The following IL1RAP variants were observed in gnomAD, a reference collection of about 807,000 sequenced individuals.
The protein encoded by IL1RAP is interleukin-1 receptor accessory protein.
IL1RAP carries 35 observed loss-of-function variants against 60.7 expected under a neutral mutation model. That is an observed-to-expected ratio of 0.58 (90% CI 0.44 to 0.76). The LOEUF (loss-of-function observed/expected upper bound fraction) is 0.76, where lower values mean the gene tolerates loss of function less well. Ranked by LOEUF, IL1RAP falls within the 30% of genes least tolerant of loss-of-function variation. The pLI is 0.00. For missense variants in IL1RAP, 572 were observed against 693.9 expected (o/e 0.82, Z 1.97); for synonymous variants, 268 against 250.9 (o/e 1.07, Z -0.64).
rs571755247 is a variant in IL1RAP, at chr3:190,627,401, A to G, written c.854A>G (p.Asp285Gly). ...DSRNEVWWTI[D>G]GKKPDDITID... is the part of the protein sequence containing the mutation. ...CGCAATGAGGTTTGGTGGACCATTG[A>G]TGGAAAAAAACCTGATGACATCACT... is the stretch of plus-strand genomic sequence containing the variant. The change falls in exon 8 of 12, where the codon GAT becomes GGT. Residue 285 changes from aspartate (D) to glycine (G), a missense_variant. Asp to Gly is a moderately conservative substitution (Grantham distance 94). Coordinates refer to ENST00000447382, the MANE Select transcript of IL1RAP (RefSeq NM_002182.4). 1.9e-6 allele frequency: 3 copies of G among 1,613,248 alleles called. No individual in the cohort carries two copies. Among genetic ancestry groups the G allele is most frequent in the African/African-American group, 1.3e-5 (1 of 74,764 alleles).
chr3:190,622,021 C>A (rs887640747), intron 6 of IL1RAP, among the ~76,000 whole-genome samples: 1 of 148,356 alleles, frequency 6.7e-6, no homozygotes, highest in Non-Finnish European at 1.5e-5. Flanking sequence ...GACTAATGTG[C>A]CGGCCTTAAC....
intron 1 of IL1RAP, among the ~76,000 whole-genome samples, chr3:190,554,060 C>CAAA (rs1166716731): frequency 1.1e-5 from 1 of 87,910 alleles, no homozygotes; most frequent in African/African-American, 5.1e-5. Context: ...GACTCCGTCT[C>CAAA]AAAAAAAAAA....
intron 3 of IL1RAP, among the ~76,000 whole-genome samples, chr3:190,577,741 AGGTT>A (rs969824629): frequency 1.3e-5 from 2 of 152,072 alleles, no homozygotes; most frequent in Non-Finnish European, 2.9e-5. Context: ...TATGTTGCCC[AGGTT>A]GGTCTTGAAT....
chr3:190,557,707 A>T (rs1413907345), intron 2 of IL1RAP, among the ~76,000 whole-genome samples: 1 of 152,052 alleles, frequency 6.6e-6, no homozygotes, highest in African/African-American at 2.4e-5. Context: ...TTAGGTTAAA[A>T]CACCTTTCTT....
At chr3:190,564,733 G>A (rs1245743399) in intron 3 of IL1RAP, 2 of 215,702 alleles carry the variant, frequency 9.3e-6, no homozygotes, top group South Asian at 7.9e-5. Flanking sequence ...GTTATCAGTG[G>A]TAATAATCCA....
chr3:190,566,516 G>T (rs1726414401), intron 3 of IL1RAP, among the ~76,000 whole-genome samples: 1 of 152,086 alleles, frequency 6.6e-6, no homozygotes, highest in African/African-American at 2.4e-5. Context: ...AAGTGCTGTT[G>T]GTAAGAGAGC....
intron 2 of IL1RAP, among the ~76,000 whole-genome samples, chr3:190,562,932 G>A (rs77101610): frequency 0.1 from 15,168 of 152,166 alleles, 875 homozygotes; most frequent in South Asian, 0.17. Flanking sequence ...ACAACAGCTT[G>A]TGATATGACG....
intron 3 of IL1RAP, among the ~76,000 whole-genome samples, chr3:190,595,648 A>T (rs368643116): frequency 2.8e-4 from 43 of 152,298 alleles, no homozygotes; most frequent in African/African-American, 1.0e-3. Flanking sequence ...GCACACGCAG[A>T]TGGGACAGTT....
intron 7 of IL1RAP, among the ~76,000 whole-genome samples, chr3:190,626,108 A>G (rs1351104552): frequency 2.0e-5 from 3 of 152,226 alleles, no homozygotes; most frequent in Non-Finnish European, 4.4e-5. Flanking sequence ...TAACCAGGAA[A>G]GCAGGCATAA....
intron 1 of IL1RAP, among the ~76,000 whole-genome samples, chr3:190,551,192 A>T (rs1471597056): frequency 6.6e-6 from 1 of 152,208 alleles, no homozygotes; most frequent in Non-Finnish European, 1.5e-5. Context: ...GACTGTGTAG[A>T]CAAGAGTATG....
chr3:190,655,558 CGTGTGT>C (rs34341875), downstream of IL1RAP, among the ~76,000 whole-genome samples: 2,875 of 131,114 alleles, frequency 0.022, 91 homozygotes, highest in African/African-American at 0.069. Context: ...AATTGCCCAC[CGTGTGT>C]GTGTGTGTGT....
At chr3:190,558,133 CTGAG>C (rs1210574077) in intron 2 of IL1RAP, among the ~76,000 whole-genome samples, 2 of 152,124 alleles carry the variant, frequency 1.3e-5, no homozygotes, top group African/African-American at 4.8e-5. Context: ...CTTAGTATTG[CTGAG>C]TATTATTCTA....
At chr3:190,551,730 A>G (rs1211401836) in intron 1 of IL1RAP, among the ~76,000 whole-genome samples, 1 of 152,216 alleles carries the variant, frequency 6.6e-6, no homozygotes, top group Non-Finnish European at 1.5e-5. Flanking sequence ...AAAGTTCTAT[A>G]GCTCATTATA....
At chr3:190,554,048 G>A (rs1263977649) in intron 1 of IL1RAP, among the ~76,000 whole-genome samples, 3 of 119,956 alleles carry the variant, frequency 2.5e-5, no homozygotes, top group Admixed American at 9.0e-5. Context: ...GCGACAGAGC[G>A]AGACTCCGTC....
At chr3:190,566,367 G>A (rs1382894100) in intron 3 of IL1RAP, among the ~76,000 whole-genome samples, 1 of 152,140 alleles carries the variant, frequency 6.6e-6, no homozygotes, top group East Asian at 1.9e-4. Flanking sequence ...AGGGACAGGT[G>A]ACTGTGTTAC....
At chr3:190,557,669 A>C (rs892925690) in intron 2 of IL1RAP, among the ~76,000 whole-genome samples, 5 of 152,186 alleles carry the variant, frequency 3.3e-5, no homozygotes, top group African/African-American at 9.7e-5. Context: ...GTTATTTTCA[A>C]AGTAAATGTT....
intron 3 of IL1RAP, among the ~76,000 whole-genome samples, chr3:190,571,318 C>G (rs1418334099): frequency 6.6e-6 from 1 of 151,586 alleles, no homozygotes; most frequent in Non-Finnish European, 1.5e-5. Context: ...TTGAGACCAG[C>G]CTGCACAAAA....
chr3:190,626,791 C>A (rs1389355241), intron 7 of IL1RAP, among the ~76,000 whole-genome samples: 1 of 151,566 alleles, frequency 6.6e-6, no homozygotes, highest in East Asian at 1.9e-4. Context: ...CTACCTCAGC[C>A]CCCCAAGTAG....
intron 9 of IL1RAP, among the ~76,000 whole-genome samples, chr3:190,633,730 A>C (rs1485398172): frequency 1.3e-5 from 2 of 152,098 alleles, no homozygotes; most frequent in Non-Finnish European, 2.9e-5. Flanking sequence ...ATTTGTATAT[A>C]TTGATCTTGA....
Sources: allele counts gnomAD v4.1 joint callset (sites outside exome capture counted in the v4.1 genomes callset), GRCh38; gene constraint gnomAD v4.1.1; transcripts MANE v1.5; gene names NCBI Gene and HGNC (gene_info 2026-07-23, HGNC 2026-07-21).